Variants in DSG1 observed in about 807,000 individuals in gnomAD.
The protein encoded by DSG1 is desmoglein 1.
DSG1 carries 39 observed loss-of-function variants against 97.5 expected under a neutral mutation model. The observed-to-expected ratio is 0.40, with a 90% CI of 0.31 to 0.52. The LOEUF (loss-of-function observed/expected upper bound fraction) is 0.52, where lower values mean the gene tolerates loss of function less well. Among genes scored for constraint, DSG1 ranks in the 20% least tolerant of loss-of-function variants. The pLI is 0.53. For missense variants in DSG1, 1,311 were observed against 1,295.4 expected (o/e 1.01, Z -0.18); for synonymous variants, 475 against 443.4 (o/e 1.07, Z -0.90).
At chr18:31,350,714 A>G (rs367960187) in intron 14 of DSG1, among the ~76,000 whole-genome samples, 1 of 150,612 alleles carries the variant, frequency 6.6e-6, no homozygotes, top group Non-Finnish European at 1.5e-5. Context: ...TATGTGTCCA[A>G]GAATTTATCC....
chr18:31,354,491 A>C lies in DSG1; in HGVS notation c.2295A>C (p.Lys765Asn), dbSNP rs755464740. 1.9e-6 allele frequency: 3 copies of C among 1,614,204 alleles called. No individual in the cohort carries two copies. Among genetic ancestry groups the C allele is most frequent in the Non-Finnish European group, 2.5e-6 (3 of 1,180,038 alleles). The change falls in exon 15 of 15, where the codon AAA (lysine) becomes AAC (asparagine). Residue 765 changes from lysine to asparagine, a missense_variant. Transcript: ENST00000257192. ...FKKLADISLG[K>N]ESYPDLDPSW... ...AGTTGGCAGACATCAGCCTAGGAAA[A>C]GAATCATATCCAGACCTTGATCCTT...
rs2071778624 is a variant in DSG1 at position 31,339,955 on chromosome 18, G to C, written c.1617G>C (p.Leu539Phe). Reference protein sequence around the residue: ...SSEPGNGAKDLLSDNVHFGPA... With the variant: ...SSEPGNGAKDFLSDNVHFGPA... ...AACCCGGAAACGGAGCCAAAGATTT[G>C]TTATCAGACAATGTACATTTTGGTC... The change falls in exon 11 of 15, where the codon TTG becomes TTC. Residue 539 changes from leucine to phenylalanine, a missense_variant. By Grantham distance (22) the Leu-to-Phe change is conservative. This residue lies in a region of DSG1 where 1,038 missense variants were observed against 964.6 expected (regional missense o/e 1.08). Coordinates refer to ENST00000257192, the MANE Select transcript of DSG1 (RefSeq NM_001942.4). 1 of 1,614,056 alleles carries C rather than the reference G, an allele frequency of 6.2e-7. No homozygotes were observed. Among genetic ancestry groups the C allele is most frequent in the Non-Finnish European group, 8.5e-7 (1 of 1,179,986 alleles).
At chr18:31,354,082 A>G in intron 14 of DSG1, 1 of 548,398 alleles carries the variant, frequency 1.8e-6, no homozygotes, top group Non-Finnish European at 3.2e-6. Context: ...AAATTTTTAA[A>G]ATCATAGTAT....
chr18:31,333,830 C>G (rs2071735396), intron 7 of DSG1, 107 bp downstream of exon 7: 10 of 1,379,338 alleles, frequency 7.2e-6, no homozygotes, highest in Non-Finnish European at 1.0e-5. Context: ...GACATACAAC[C>G]CAAATGTAGA....
chr18:31,327,644 G>C (rs16961641), intron 3 of DSG1, among the ~76,000 whole-genome samples: 1 of 152,026 alleles, frequency 6.6e-6, no homozygotes, highest in Non-Finnish European at 1.5e-5. Flanking sequence ...ATTTATTCGC[G>C]TGGTCTCCTT....
chr18:31,343,157 C>T (rs2071801323), intron 11 of DSG1, among the ~76,000 whole-genome samples: 1 of 152,044 alleles, frequency 6.6e-6, no homozygotes, highest in Non-Finnish European at 1.5e-5. Context: ...AGTGATCCAC[C>T]CACTTCCACC....
chr18:31,358,714 T>A lies in DSG1; in HGVS notation c.*3368T>A, dbSNP rs1473274530. ...GACATTTAAGACCCAAAGCAAACTT[T>A]TAAAAGTATTTGCCACATTTTCCCA... On this transcript the variant is annotated 3_prime_UTR_variant, in exon 15 of 15. Transcript: ENST00000257192. 6.6e-6 allele frequency among the ~76,000 whole-genome samples: 1 copy of A among 152,108 alleles called. No individual in the cohort carries two copies.
At chr18:31,335,836 T>G (rs1008475689) in intron 8 of DSG1, among the ~76,000 whole-genome samples, 2 of 150,278 alleles carry the variant, frequency 1.3e-5, no homozygotes, top group South Asian at 4.2e-4. Context: ...GAAAATAGAT[T>G]TATTTATATT....
At chr18:31,344,025 A>C in intron 13 of DSG1, 30 bp downstream of exon 13, 78 of 1,448,326 alleles carry the variant, frequency 5.4e-5, no homozygotes, top group Non-Finnish European at 7.2e-5. Flanking sequence ...TTAACATCTC[A>C]AATGCTTAAG....
intron 11 of DSG1, among the ~76,000 whole-genome samples, chr18:31,341,373 G>A (rs547876784): frequency 7.4e-4 from 112 of 152,246 alleles, no homozygotes; most frequent in African/African-American, 1.1e-3. Context: ...TTCTTGGCAC[G>A]TGAACAGTGG....
chr18:31,338,108 A>T (rs533327871), intron 9 of DSG1, among the ~76,000 whole-genome samples: 3 of 152,288 alleles, frequency 2.0e-5, no homozygotes, highest in Admixed American at 1.3e-4. Context: ...GGTGCTCAGT[A>T]ATTTTTTTTT....
intron 12 of DSG1, 26 bp downstream of exon 12, chr18:31,343,609 C>G: frequency 6.2e-7 from 1 of 1,614,036 alleles, no homozygotes; most frequent in Non-Finnish European, 8.5e-7. Context: ...TAAGAAATAG[C>G]CGTTGGTAGT....
At position 31,329,981 on chromosome 18, in the gene DSG1, T is replaced by A; in HGVS notation, c.462T>A (p.Pro154=). 1 of 1,613,338 alleles carries A rather than the reference T, an allele frequency of 6.2e-7. No homozygotes were observed. Among genetic ancestry groups the A allele is most frequent in the Non-Finnish European group, 8.5e-7 (1 of 1,179,412 alleles). ...GGGTTTTGGATATAAATGACAACCC[T>A]CCAGTGTTTTCAATGGCTACATTTG... ...RVRVLDINDN[P]PVFSMATFAG... The change falls in exon 5 of 15, where the codon CCT becomes CCA. Residue 154 remains proline, a synonymous_variant. Coordinates refer to ENST00000257192, the MANE Select transcript of DSG1 (RefSeq NM_001942.4).
intron 1 of DSG1, among the ~76,000 whole-genome samples, chr18:31,322,090 T>G (rs2071657374): frequency 6.6e-6 from 1 of 152,238 alleles, no homozygotes; most frequent in Non-Finnish European, 1.5e-5. Context: ...AATTGGTCTA[T>G]GAGAATAGGC....
intron 14 of DSG1, among the ~76,000 whole-genome samples, chr18:31,351,324 G>T (rs867343344): frequency 2.9e-4 from 43 of 149,254 alleles, no homozygotes; most frequent in Admixed American, 1.3e-3. Flanking sequence ...TTGCACTGTG[G>T]TCTGAGAGAT....
rs34618267 is a variant in DSG1, at chr18:31,321,108, CA to C, written c.48+2769del. ...AATATTTCATTTCGAAACAAACAAACAAAAAAAAACCCAACCCTCTGACACC... is the reference window on the plus strand; with the variant it reads ...AATATTTCATTTCGAAACAAACAAACAAAAAAAACCCAACCCTCTGACACC... On this transcript the variant is annotated intron_variant, in intron 1 of 14. Transcript: ENST00000257192. 2.7e-3 allele frequency among the ~76,000 whole-genome samples: 367 copies of C among 133,902 alleles called. 3 individuals carry two copies. Among genetic ancestry groups the C allele is most frequent in the African/African-American group, 9.0e-3 (350 of 38,792 alleles). The allele number at this position is 133,902 out of a possible 152,430, so 87.8% of individuals were successfully genotyped here. A position where few individuals can be genotyped will look rare whatever the true frequency, so the allele number is the denominator to read the frequency against.
intron 14 of DSG1, among the ~76,000 whole-genome samples, chr18:31,348,360 G>A (rs535556014): frequency 4.7e-4 from 71 of 151,988 alleles, no homozygotes; most frequent in African/African-American, 1.6e-3. Context: ...TCTTAATCCA[G>A]TCTACCATAG....
chr18:31,358,775 A>G lies in DSG1; in HGVS notation c.*3429A>G, dbSNP rs776128213. Reference sequence around the variant, plus strand: ...ATAAATTCCAACTTTTTTTTTTACAATTTCTGGATTTTTAAGACCCATTTC... The same window carrying G: ...ATAAATTCCAACTTTTTTTTTTACAGTTTCTGGATTTTTAAGACCCATTTC... On this transcript the variant is annotated 3_prime_UTR_variant, in exon 15 of 15. Transcript: ENST00000257192. Among the ~76,000 whole-genome samples, 1 of 151,742 alleles carries G rather than the reference A, an allele frequency of 6.6e-6. No homozygotes were observed. Among genetic ancestry groups the G allele is most frequent in the Non-Finnish European group, 1.5e-5 (1 of 67,864 alleles).
chr18:31,328,348 A>C lies in DSG1; in HGVS notation c.372+4A>C. On this transcript the variant is annotated splice_donor_region_variant and intron_variant, in intron 4 of 14. Coordinates refer to ENST00000257192, the MANE Select transcript of DSG1 (RefSeq NM_001942.4). ...AGAGGTCACTCCTTTCTTCATTGTAAGTGGACTTCATGTCAATATATATGT... is the reference window on the plus strand; with the variant it reads ...AGAGGTCACTCCTTTCTTCATTGTACGTGGACTTCATGTCAATATATATGT... The C allele has an allele frequency of 6.2e-7, 1 of 1,611,506 alleles. No individual in the cohort carries two copies. Among genetic ancestry groups the C allele is most frequent in the Non-Finnish European group, 8.5e-7 (1 of 1,177,908 alleles).
Sources: gnomAD v4.1 joint callset for allele counts (sites outside exome capture counted in the v4.1 genomes callset) on GRCh38, gnomAD v4.1.1 for gene constraint, gnomAD v4.1.1 regional missense constraint, MANE v1.5 for transcripts, NCBI Gene and HGNC (gene_info 2026-07-23, HGNC 2026-07-21) for gene names.